Variants in XYLT1 observed in about 807,000 individuals in gnomAD.
XYLT1 encodes beta-D-xylosyltransferase 1.
Under a neutral mutation model 91.3 loss-of-function variants are expected in XYLT1, and 36 were observed. The ratio of observed to expected loss-of-function variants is 0.39; its 90% CI spans 0.30 to 0.52. The LOEUF (loss-of-function observed/expected upper bound fraction) is 0.52. XYLT1 is among the 20% of genes least tolerant of loss of function. The pLI, the probability that XYLT1 is intolerant of heterozygous loss-of-function variation, is 0.68. For missense variants in XYLT1, 1,242 were observed against 1,284.5 expected, an observed-to-expected ratio of 0.97 and a Z score of 0.51; for synonymous variants, 588 against 532.0, an observed-to-expected ratio of 1.11 and a Z score of -1.45.
intron 1 of XYLT1, among the ~76,000 whole-genome samples, chr16:17,406,336 A>T (rs937080306): frequency 2.0e-5 from 3 of 152,186 alleles, no homozygotes; most frequent in African/African-American, 7.2e-5. Context: ...TTGTTCTCAA[A>T]ATTCTCAAGC....
At chr16:17,182,880 C>T (rs774864741) in intron 5 of XYLT1, among the ~76,000 whole-genome samples, 1 of 152,134 alleles carries the variant, frequency 6.6e-6, no homozygotes, top group Non-Finnish European at 1.5e-5. Context: ...TTCTTGCTAA[C>T]GCAGGACAGA....
intron 3 of XYLT1, among the ~76,000 whole-genome samples, chr16:17,225,082 G>T (rs771382026): frequency 6.6e-6 from 1 of 151,996 alleles, no homozygotes; most frequent in Non-Finnish European, 1.5e-5. Context: ...TATAGTATTA[G>T]TCTTCCAGGA....
At chr16:17,435,963 T>C (rs937590309) in intron 1 of XYLT1, among the ~76,000 whole-genome samples, 19 of 152,190 alleles carry the variant, frequency 1.2e-4, no homozygotes, top group African/African-American at 4.1e-4. Flanking sequence ...TCACCTTGAA[T>C]TGTAATAATC....
At chr16:17,187,919 G>A (rs1016216720) in intron 5 of XYLT1, among the ~76,000 whole-genome samples, 1 of 151,910 alleles carries the variant, frequency 6.6e-6, no homozygotes, top group Admixed American at 6.6e-5. Flanking sequence ...TTTCTGACCC[G>A]CTCTCCTAAG....
chr16:17,329,147 T>C (rs1396341266), intron 2 of XYLT1, among the ~76,000 whole-genome samples: 1 of 152,158 alleles, frequency 6.6e-6, no homozygotes, highest in Non-Finnish European at 1.5e-5. Flanking sequence ...GACGAGTACG[T>C]AACAAATGGG....
chr16:17,317,956 T>G (rs2034661566), intron 2 of XYLT1, among the ~76,000 whole-genome samples: 1 of 152,334 alleles, frequency 6.6e-6, no homozygotes, highest in South Asian at 2.1e-4. Flanking sequence ...CATTGCTCAA[T>G]GCTGGGATCA....
chr16:17,334,353 T>G (rs1296902029), intron 2 of XYLT1, among the ~76,000 whole-genome samples: 1 of 151,994 alleles, frequency 6.6e-6, no homozygotes, highest in African/African-American at 2.4e-5. Flanking sequence ...CGTCCTGGAG[T>G]ACAGACTGCC....
At chr16:17,383,816 C>T (rs552387933) in intron 1 of XYLT1, among the ~76,000 whole-genome samples, 8 of 146,446 alleles carry the variant, frequency 5.5e-5, no homozygotes, top group African/African-American at 1.8e-4. Context: ...GGCAAGATCT[C>T]GACTCACTGT....
At chr16:17,434,943 A>C (rs945368353) in intron 1 of XYLT1, among the ~76,000 whole-genome samples, 6 of 152,150 alleles carry the variant, frequency 3.9e-5, no homozygotes, top group African/African-American at 9.6e-5. Flanking sequence ...GTTTTAATGC[A>C]GATGAAAGAA....
At chr16:17,168,968 T>C (rs73520922) in intron 5 of XYLT1, among the ~76,000 whole-genome samples, 9,002 of 152,316 alleles carry the variant, frequency 0.059, 388 homozygotes, top group African/African-American at 0.12. Context: ...TTGGAATTAC[T>C]TGAAGTTTTC....
chr16:17,461,593 T>C (rs1320335532), intron 1 of XYLT1, among the ~76,000 whole-genome samples: 1 of 152,094 alleles, frequency 6.6e-6, no homozygotes, highest in South Asian at 2.1e-4. Flanking sequence ...AGAGGATGGA[T>C]GAATGGACGG....
chr16:17,197,443 G>A (rs2032451852), intron 5 of XYLT1, among the ~76,000 whole-genome samples: 1 of 152,162 alleles, frequency 6.6e-6, no homozygotes, highest in Admixed American at 6.5e-5. Context: ...CTACTTGAAT[G>A]GAAGCTTGTG....
At chr16:17,301,533 A>C (rs1476799776) in intron 2 of XYLT1, among the ~76,000 whole-genome samples, 3 of 152,230 alleles carry the variant, frequency 2.0e-5, no homozygotes, top group African/African-American at 7.2e-5. Flanking sequence ...ATATTAAATT[A>C]AATTTTTCTT....
intron 2 of XYLT1, among the ~76,000 whole-genome samples, chr16:17,279,628 T>C (rs1383770094): frequency 6.6e-6 from 1 of 152,228 alleles, no homozygotes; most frequent in Non-Finnish European, 1.5e-5. Flanking sequence ...CACTGTGGGC[T>C]AACTATTGGT....
intron 3 of XYLT1, among the ~76,000 whole-genome samples, chr16:17,206,446 C>T (rs950367424): frequency 2.6e-5 from 4 of 152,030 alleles, no homozygotes; most frequent in African/African-American, 9.7e-5. Context: ...TAAAGAGCAA[C>T]GAGGTGGATT....
At chr16:17,319,145 A>G (rs754576296) in intron 2 of XYLT1, among the ~76,000 whole-genome samples, 1 of 152,114 alleles carries the variant, frequency 6.6e-6, no homozygotes, top group African/African-American at 2.4e-5. Flanking sequence ...TTTAAGCCTC[A>G]GTTTTCAAGT....
intron 3 of XYLT1, among the ~76,000 whole-genome samples, chr16:17,218,386 T>C (rs1419355045): frequency 6.7e-6 from 1 of 150,354 alleles, no homozygotes; most frequent in African/African-American, 2.4e-5. Flanking sequence ...TTTCCTTTGG[T>C]GCTTTTCTGT....
intron 3 of XYLT1, among the ~76,000 whole-genome samples, chr16:17,230,021 C>A (rs937907897): frequency 6.6e-6 from 1 of 152,168 alleles, no homozygotes; most frequent in African/African-American, 2.4e-5. Flanking sequence ...AGCCAAGAAA[C>A]ACCAAGGAAC....
chr16:17,279,551 T>C (rs2034026565), intron 2 of XYLT1, among the ~76,000 whole-genome samples: 1 of 152,166 alleles, frequency 6.6e-6, no homozygotes, highest in Admixed American at 6.5e-5. Context: ...TTCTTAGCAG[T>C]GAAACACCTA....
Sources: allele counts gnomAD v4.1 joint callset (sites outside exome capture counted in the v4.1 genomes callset), GRCh38; gene constraint gnomAD v4.1.1; transcripts MANE v1.5; gene names NCBI Gene and HGNC (gene_info 2026-07-23, HGNC 2026-07-21).